The following DPP10 variants were observed in gnomAD, a reference collection of about 807,000 sequenced individuals.
DPP10 encodes the protein inactive dipeptidyl peptidase 10.
In DPP10, 33 loss-of-function variants were observed where a neutral mutation model predicts 120.9. That is an observed-to-expected ratio of 0.27 (90% CI 0.21 to 0.37). The LOEUF (loss-of-function observed/expected upper bound fraction) is 0.37. DPP10 is among the 10% of genes least tolerant of loss of function. The pLI is 1.00. For synonymous variants in DPP10, 337 were observed against 326.1 expected (o/e 1.03, Z -0.36); for missense variants, 816 against 942.8 (o/e 0.87, Z 1.76).
Position 115,780,741 on chromosome 2 carries a change from A to G in DPP10, c.1362-133A>G, listed in dbSNP as rs1200804857. Reference sequence around the variant, plus strand: ...TGACTTTTTATGTATATGGTGATTCATAGTTTACAGTGAACCTCTATGCAA... The same window carrying G: ...TGACTTTTTATGTATATGGTGATTCGTAGTTTACAGTGAACCTCTATGCAA... On this transcript the variant is annotated intron_variant, in intron 15 of 25. Transcript: ENST00000410059. 4 of 688,982 alleles carry G rather than the reference A, an allele frequency of 5.8e-6. No homozygotes were observed. In the Admixed American group the frequency reaches 9.2e-5, roughly 16 times the overall value. The allele number at this position is 688,982 out of a possible 1,614,324, so 42.7% of individuals were successfully genotyped here. A position where few individuals can be genotyped will look rare whatever the true frequency, so the allele number is the denominator to read the frequency against.
At chr2:114,775,074 G>T (rs1405975618) in intron 1 of DPP10, among the ~76,000 whole-genome samples, 1 of 152,002 alleles carries the variant, frequency 6.6e-6, no homozygotes, top group Non-Finnish European at 1.5e-5. Context: ...TCTGGGTCCT[G>T]GTCCCCACCC....
chr2:114,840,101 C>G (rs1471182010), intron 1 of DPP10, among the ~76,000 whole-genome samples: 1 of 152,112 alleles, frequency 6.6e-6, no homozygotes, highest in Non-Finnish European at 1.5e-5. Context: ...AAACAGCAAA[C>G]AGTTGTTTTC....
chr2:114,571,954 C>T (rs1034777853), intron 1 of DPP10, among the ~76,000 whole-genome samples: 1 of 147,734 alleles, frequency 6.8e-6, no homozygotes, highest in African/African-American at 2.5e-5. Context: ...ATTTATACTA[C>T]ATATATTGTG....
intron 1 of DPP10, among the ~76,000 whole-genome samples, chr2:115,167,451 G>A (rs72955504): frequency 0.011 from 1,741 of 151,770 alleles, 28 homozygotes; most frequent in African/African-American, 0.036. Context: ...AAGAAAGAAA[G>A]AAAGAATTAT....
intron 2 of DPP10, among the ~76,000 whole-genome samples, chr2:115,311,650 C>T (rs761850094): frequency 6.6e-6 from 1 of 152,138 alleles, no homozygotes; most frequent in African/African-American, 2.4e-5. Context: ...ACCTCCAATC[C>T]CGTTACACAA....
At chr2:114,603,154 A>C (rs1359048751) in intron 1 of DPP10, among the ~76,000 whole-genome samples, 1 of 152,106 alleles carries the variant, frequency 6.6e-6, no homozygotes, top group Non-Finnish European at 1.5e-5. Flanking sequence ...TGTAATAATA[A>C]AAATGATTTC....
chr2:114,975,398 CTCT>C (rs1416246587), intron 1 of DPP10, among the ~76,000 whole-genome samples: 7 of 152,038 alleles, frequency 4.6e-5, no homozygotes, highest in Non-Finnish European at 2.9e-5. Flanking sequence ...TAATGTTTTA[CTCT>C]TCTTTTAAAA....
At chr2:115,529,719 C>G (rs1266912861) in intron 5 of DPP10, among the ~76,000 whole-genome samples, 1 of 151,926 alleles carries the variant, frequency 6.6e-6, no homozygotes, top group Non-Finnish European at 1.5e-5. Flanking sequence ...TATTCTTGTC[C>G]AAGTCAGTTG....
At chr2:114,910,323 GC>G (rs1694276143) in intron 1 of DPP10, among the ~76,000 whole-genome samples, 1 of 151,780 alleles carries the variant, frequency 6.6e-6, no homozygotes, top group Non-Finnish European at 1.5e-5. Context: ...GGAGCCCTAG[GC>G]ATTGTACCTA....
chr2:115,454,760 C>G (rs1018383905), intron 3 of DPP10, among the ~76,000 whole-genome samples: 1 of 151,480 alleles, frequency 6.6e-6, no homozygotes, highest in Admixed American at 6.6e-5. Context: ...TAACAGCACT[C>G]AAATTGAAAG....
intron 5 of DPP10, among the ~76,000 whole-genome samples, chr2:115,570,937 AACTG>A (rs1459156531): frequency 4.6e-5 from 7 of 152,182 alleles, no homozygotes; most frequent in Admixed American, 2.6e-4. Flanking sequence ...GTTAGCACAC[AACTG>A]ACTGCCACCA....
At chr2:115,731,270 A>G (rs907322359) in intron 8 of DPP10, among the ~76,000 whole-genome samples, 14 of 151,878 alleles carry the variant, frequency 9.2e-5, no homozygotes, top group African/African-American at 3.1e-4. Flanking sequence ...AGGCAGGAAA[A>G]TCGCTTGAAC....
chr2:114,828,119 T>A (rs1043704525), intron 1 of DPP10, among the ~76,000 whole-genome samples: 3 of 152,208 alleles, frequency 2.0e-5, no homozygotes, highest in African/African-American at 7.2e-5. Context: ...AAGAGTGGCA[T>A]ATTCTGTGAA....
At chr2:115,405,986 A>C (rs1004040080) in intron 3 of DPP10, among the ~76,000 whole-genome samples, 1 of 152,164 alleles carries the variant, frequency 6.6e-6, no homozygotes, top group African/African-American at 2.4e-5. Context: ...ACACTAATCT[A>C]TTTAGTGAAG....
At chr2:115,240,250 C>T (rs1028297791) in intron 1 of DPP10, among the ~76,000 whole-genome samples, 10 of 152,182 alleles carry the variant, frequency 6.6e-5, no homozygotes, top group African/African-American at 1.7e-4. Context: ...TTCTCCACAT[C>T]CTCTCCAGCA....
chr2:114,590,610 TA>T (rs1297683377), intron 1 of DPP10, among the ~76,000 whole-genome samples: 1 of 152,206 alleles, frequency 6.6e-6, no homozygotes, highest in East Asian at 1.9e-4. Flanking sequence ...TTCAATGGTA[TA>T]AATACTCCCA....
At chr2:114,735,655 G>C (rs1211392698) in intron 1 of DPP10, among the ~76,000 whole-genome samples, 1 of 151,966 alleles carries the variant, frequency 6.6e-6, no homozygotes, top group Non-Finnish European at 1.5e-5. Context: ...GAAATATCTT[G>C]GCTCTTTGAT....
At position 114,663,688 on chromosome 2, in the gene DPP10, G is replaced by A. The variant is rs140668004; in HGVS notation, c.60+220850G>A. 3.6e-3 allele frequency among the ~76,000 whole-genome samples: 533 copies of A among 147,474 alleles called. 5 individuals are homozygous for A. Among genetic ancestry groups the A allele is most frequent in the Non-Finnish European group, 5.8e-3 (393 of 67,340 alleles). Reference sequence around the variant, plus strand: ...ATATATAGAGAGAGAGAGAGAGAGAGAGAGAGAGAAACTGACTGACTTGGG... The same window carrying A: ...ATATATAGAGAGAGAGAGAGAGAGAAAGAGAGAGAAACTGACTGACTTGGG... On this transcript the variant is annotated intron_variant, in intron 1 of 25. Coordinates refer to ENST00000410059, the MANE Select transcript of DPP10 (RefSeq NM_020868.6).
chr2:114,514,442 A>G (rs1684422543), intron 1 of DPP10, among the ~76,000 whole-genome samples: 1 of 152,232 alleles, frequency 6.6e-6, no homozygotes, highest in South Asian at 2.1e-4. Context: ...CCCTATGATT[A>G]GAACTGAATT....
Sources: allele counts gnomAD v4.1 joint callset (sites outside exome capture counted in the v4.1 genomes callset), GRCh38; gene constraint gnomAD v4.1.1; transcripts MANE v1.5; gene names NCBI Gene and HGNC (gene_info 2026-07-23, HGNC 2026-07-21).